Variants in HAS3 observed in about 807,000 individuals in gnomAD.
HAS3 encodes HA synthase 3.
In HAS3, 27 loss-of-function variants were observed where a neutral mutation model predicts 50.3. That is an observed-to-expected ratio of 0.54 (90% CI 0.40 to 0.74). HAS3 has a LOEUF of 0.74. Among genes scored for constraint, HAS3 ranks in the 30% least tolerant of loss-of-function variants. HAS3 has a pLI of 0.00. For synonymous variants in HAS3, 339 were observed against 310.9 expected, an observed-to-expected ratio of 1.09 and a Z score of -0.95; for missense variants, 517 against 742.8, an observed-to-expected ratio of 0.70 and a Z score of 3.53.
At chr16:69,096,567 A>G in the HAS3 span, among the ~76,000 whole-genome samples, 2 of 137,190 alleles carry the variant, frequency 1.5e-5, no homozygotes, top group Non-Finnish European at 3.1e-5. Flanking sequence ...AAAAAAAAGA[A>G]TTGTGGGGCC....
At chr16:69,091,826 T>C in the HAS3 span, among the ~76,000 whole-genome samples, 4 of 152,212 alleles carry the variant, frequency 2.6e-5, no homozygotes, top group Admixed American at 6.5e-5. Context: ...TCTCTGAGAC[T>C]CTGCCCTTGG....
chr16:69,095,130 C>T, the HAS3 span, among the ~76,000 whole-genome samples: 5 of 151,954 alleles, frequency 3.3e-5, no homozygotes, highest in Admixed American at 6.6e-5. Flanking sequence ...TACAGGCACG[C>T]GTCACCACAC....
Position 69,115,527 on chromosome 16 carries a change from G to A in HAS3, c.*261G>A. Reference sequence around the variant, plus strand: ...GCCTGTCTGCTTGCATCTGCACATAGGCAGTAGCCTCCTCCTGGGCTCCAG... The same window carrying A: ...GCCTGTCTGCTTGCATCTGCACATAAGCAGTAGCCTCCTCCTGGGCTCCAG... On this transcript the variant is annotated 3_prime_UTR_variant, in exon 4 of 4. Transcript: ENST00000569188. The A allele has an allele frequency of 2.5e-6, 3 of 1,192,782 alleles. No homozygotes were observed. Among genetic ancestry groups the A allele is most frequent in the Non-Finnish European group, 3.1e-6 (3 of 961,558 alleles). 73.9% of individuals were successfully genotyped at this position (1,192,782 alleles called of 1,614,324 possible). A position where few individuals can be genotyped will look rare whatever the true frequency, so the allele number is the denominator to read the frequency against.
At chr16:69,118,355 C>T (rs772648721), downstream of HAS3, 2 of 1,586,052 alleles carry the variant, frequency 1.3e-6, no homozygotes, top group Non-Finnish European at 1.7e-6. Context: ...TGTGTTCAAG[C>T]CCCCAGGGAA....
At chr16:69,108,065 C>T (rs1350790880) in intron 1 of HAS3, among the ~76,000 whole-genome samples, 1 of 152,186 alleles carries the variant, frequency 6.6e-6, no homozygotes, top group Non-Finnish European at 1.5e-5. Context: ...AGCTTGGAAG[C>T]GAGGCATCAT....
the HAS3 span, among the ~76,000 whole-genome samples, chr16:69,095,568 T>C: frequency 8.0e-4 from 122 of 152,206 alleles, 2 homozygotes; most frequent in Middle Eastern, 0.017. Flanking sequence ...TCTGATTAAA[T>C]TGATCTGGGA....
At chr16:69,103,003 ATGTGTG>A (rs35175934), upstream of HAS3, among the ~76,000 whole-genome samples, 428 of 138,772 alleles carry the variant, frequency 3.1e-3, 2 homozygotes, top group Middle Eastern at 0.011. Flanking sequence ...TGGAGTGTGC[ATGTGTG>A]TGTGTGTGTG....
At chr16:69,095,951 T>TA in the HAS3 span, among the ~76,000 whole-genome samples, 3 of 141,828 alleles carry the variant, frequency 2.1e-5, no homozygotes, top group East Asian at 6.5e-4. Flanking sequence ...CGCGGTGGCT[T>TA]ACGCCTGTAA....
rs1960807358 is a variant in HAS3 at position 69,106,662 on chromosome 16, C to T, written c.-1+875C>T. ...GGGCTCCAGGCTGGCTGGGGTACCC[C>T]TCCCCCGCACCTTCTACGACCTCCC... On this transcript the variant is annotated intron_variant, in intron 1 of 3. Coordinates refer to ENST00000569188, the MANE Select transcript of HAS3 (RefSeq NM_001199280.2). The surrounding 1 kb of genome is among the most constrained non-coding windows in gnomAD (Gnocchi z 5.5). 6.6e-6 allele frequency: 1 copy of T among 152,204 alleles called. No individual in the cohort carries two copies. The highest frequency in any genetic ancestry group is 1.5e-5 in the Non-Finnish European group (1 of 68,038). 9.4% of individuals were successfully genotyped at this position (152,204 alleles called of 1,614,324 possible).
At chr16:69,113,665 G>T (rs1961084097) in intron 3 of HAS3, 123 bp downstream of exon 3, 2 of 620,666 alleles carry the variant, frequency 3.2e-6, no homozygotes, top group Non-Finnish European at 5.7e-6. Context: ...CTCGCTGGCA[G>T]TTTTCACTGA....
At chr16:69,083,542 G>C in the HAS3 span, 1 of 1,612,174 alleles carries the variant, frequency 6.2e-7, no homozygotes, top group Non-Finnish European at 8.5e-7. Flanking sequence ...AGTGTGTCTG[G>C]AGCCCGATGA....
At chr16:69,098,445 G>A in the HAS3 span, among the ~76,000 whole-genome samples, 5 of 151,016 alleles carry the variant, frequency 3.3e-5, no homozygotes, top group Non-Finnish European at 5.9e-5. Context: ...GTCTCTCTGT[G>A]TTGTCCAGGC....
At chr16:69,104,783 G>A (rs1334249634), upstream of HAS3, among the ~76,000 whole-genome samples, 1 of 151,856 alleles carries the variant, frequency 6.6e-6, no homozygotes, top group Non-Finnish European at 1.5e-5. Context: ...GGTGTGCCTG[G>A]GGTCTTTGCT....
the HAS3 span, among the ~76,000 whole-genome samples, chr16:69,095,811 G>A: frequency 8.5e-5 from 13 of 152,126 alleles, no homozygotes; most frequent in Admixed American, 2.0e-4. Flanking sequence ...CCTCAGCTTC[G>A]CTCTAACTGC....
In HAS3 at chr16:69,116,773, G is replaced by A. The variant is rs2094237918; in HGVS notation, c.*1507G>A. ...ATCCAGGCTGTTCTCAGCGTTTTGAGTTTAAAACCTGGGATCCTGACTAAG... is the reference window on the plus strand; with the variant it reads ...ATCCAGGCTGTTCTCAGCGTTTTGAATTTAAAACCTGGGATCCTGACTAAG... On this transcript the variant is annotated 3_prime_UTR_variant, in exon 4 of 4. Coordinates refer to ENST00000569188, the MANE Select transcript of HAS3 (RefSeq NM_001199280.2). 1 of 985,384 alleles carries A rather than the reference G, an allele frequency of 1.0e-6. No individual in the cohort carries two copies. The allele number at this position is 985,384 out of a possible 1,614,324, so 61.0% of individuals were successfully genotyped here. A position where few individuals can be genotyped will look rare whatever the true frequency, so the allele number is the denominator to read the frequency against.
the HAS3 span, among the ~76,000 whole-genome samples, chr16:69,089,211 A>G: frequency 1.3e-5 from 2 of 152,184 alleles, no homozygotes; most frequent in African/African-American, 4.8e-5. Flanking sequence ...CTCTCACCCA[A>G]CTGTTTGCCG....
chr16:69,114,606 C>T lies in HAS3; in HGVS notation c.1002C>T (p.Thr334=). The change falls in exon 4 of 4, where the codon ACC becomes ACT. Residue 334 remains threonine (T), a synonymous_variant. Coordinates refer to ENST00000569188, the MANE Select transcript of HAS3 (RefSeq NM_001199280.2). This position sits in a 1 kb window ranked among gnomAD's most constrained non-coding sequence, Gnocchi z 6.4. Reference sequence around the variant, plus strand: ...GCCTTGGCTACCGAACTAAGTATACCGCGCGCTCCAAGTGCCTCACAGAGA... The same window carrying T: ...GCCTTGGCTACCGAACTAAGTATACTGCGCGCTCCAAGTGCCTCACAGAGA... The part of the protein sequence containing the change: ...VLSLGYRTKY[T]ARSKCLTETP... The T allele has an allele frequency of 1.2e-6, 2 of 1,614,034 alleles. No individual in the cohort carries two copies. The highest frequency in any genetic ancestry group is 1.7e-6 in the Non-Finnish European group (2 of 1,180,016).
chr16:69,087,696 CTTTTTTT>C, the HAS3 span, among the ~76,000 whole-genome samples: 6 of 82,616 alleles, frequency 7.3e-5, no homozygotes, highest in Admixed American at 1.5e-4. Flanking sequence ...CCGCACCCGG[CTTTTTTT>C]TTTTTTTTTT....
the HAS3 span, among the ~76,000 whole-genome samples, chr16:69,088,155 A>G: frequency 6.6e-6 from 1 of 152,314 alleles, no homozygotes; most frequent in South Asian, 2.1e-4. Context: ...CCTATTACGT[A>G]CCAGATGCTG....
Sources: gnomAD v4.1 joint callset for allele counts (sites outside exome capture counted in the v4.1 genomes callset) on GRCh38, gnomAD v4.1.1 for gene constraint, Gnocchi (gnomAD v3.1) non-coding constraint, MANE v1.5 for transcripts, NCBI Gene and HGNC (gene_info 2026-07-23, HGNC 2026-07-21) for gene names.